Variants in SESTD1 observed in about 807,000 individuals in gnomAD.
SESTD1 encodes SEC14 domain and spectrin repeat-containing protein 1.
A neutral mutation model predicts 101.7 loss-of-function variants in SESTD1; 43 were observed. The ratio of observed to expected loss-of-function variants is 0.42; its 90% CI spans 0.33 to 0.55. SESTD1 has a LOEUF of 0.55. Ranked by LOEUF, SESTD1 falls within the 20% of genes least tolerant of loss-of-function variation. The pLI is 0.07. For missense variants in SESTD1, 647 were observed against 815.1 expected, an observed-to-expected ratio of 0.79 and a Z score of 2.51; for synonymous variants, 283 against 286.8, an observed-to-expected ratio of 0.99 and a Z score of 0.13.
intron 1 of SESTD1, among the ~76,000 whole-genome samples, chr2:179,217,687 T>C (rs2046745122): frequency 1.3e-5 from 2 of 152,144 alleles, no homozygotes; most frequent in Admixed American, 1.3e-4. Context: ...ACACGTATGT[T>C]TACTGCGGCA....
intron 4 of SESTD1, among the ~76,000 whole-genome samples, chr2:179,174,128 A>T (rs2045969571): frequency 6.6e-6 from 1 of 152,188 alleles, no homozygotes; most frequent in African/African-American, 2.4e-5. Context: ...TATTATTTCA[A>T]AATCATTGAA....
At chr2:179,111,510 G>A (rs1263704349) in intron 17 of SESTD1, among the ~76,000 whole-genome samples, 1 of 152,156 alleles carries the variant, frequency 6.6e-6, no homozygotes, top group Non-Finnish European at 1.5e-5. Flanking sequence ...GCTTGCCCAA[G>A]GTGTTACAGT....
chr2:179,144,112 CG>C (rs1417013300), intron 8 of SESTD1, among the ~76,000 whole-genome samples: 1 of 147,770 alleles, frequency 6.8e-6, no homozygotes, highest in African/African-American at 2.5e-5. Context: ...GGCATACATA[CG>C]GTTTATATTT....
At chr2:179,144,438 G>C (rs1475037473) in intron 8 of SESTD1, among the ~76,000 whole-genome samples, 1 of 152,000 alleles carries the variant, frequency 6.6e-6, no homozygotes, top group African/African-American at 2.4e-5. Context: ...GGCCATACTA[G>C]TGTTAGAACT....
chr2:179,152,853 T>A (rs898468989), intron 5 of SESTD1, among the ~76,000 whole-genome samples: 6 of 152,136 alleles, frequency 3.9e-5, no homozygotes, highest in Non-Finnish European at 8.8e-5. Flanking sequence ...GTGACCCATC[T>A]AAGAAGTCAG....
At chr2:179,255,269 G>A (rs1288002646) in intron 1 of SESTD1, among the ~76,000 whole-genome samples, 3 of 152,198 alleles carry the variant, frequency 2.0e-5, no homozygotes, top group Non-Finnish European at 4.4e-5. Flanking sequence ...GCTTACTCAG[G>A]AAGGTATGTC....
intron 10 of SESTD1, among the ~76,000 whole-genome samples, chr2:179,130,538 G>A (rs2044987039): frequency 6.6e-6 from 1 of 151,930 alleles, no homozygotes; most frequent in Admixed American, 6.6e-5. Flanking sequence ...TATGAAATTT[G>A]CTTTTGAAGT....
Position 179,261,098 on chromosome 2 carries a change from A to G in SESTD1, c.-26+3401T>C, listed in dbSNP as rs574547713. Among the ~76,000 whole-genome samples, 145 of 152,304 alleles carry G rather than the reference A, an allele frequency of 9.5e-4. 1 individual carries two copies. The highest frequency in any genetic ancestry group is 3.2e-3 in the African/African-American group (132 of 41,564). ...GGGTTCTAGGATCGGCTATGCTATT[A>G]AGAAGCTGTTACTAGGTTGAATCAC... On this transcript the variant is annotated intron_variant, in intron 1 of 17. Coordinates refer to ENST00000428443, the MANE Select transcript of SESTD1 (RefSeq NM_178123.5).
chr2:179,197,178 C>T (rs1468794136), intron 1 of SESTD1, among the ~76,000 whole-genome samples: 2 of 151,802 alleles, frequency 1.3e-5, no homozygotes, highest in East Asian at 1.9e-4. Context: ...GCCTCAGGAG[C>T]CGATGCAATC....
At chr2:179,117,684 G>C in intron 13 of SESTD1, 71 bp from the exon 14 acceptor site, 1 of 1,239,788 alleles carries the variant, frequency 8.1e-7, no homozygotes, top group Non-Finnish European at 1.1e-6. Flanking sequence ...ATCATCATTT[G>C]GTACATGTAT....
At position 179,212,044 on chromosome 2, in the gene SESTD1, T is replaced by C. The variant is rs544208059; in HGVS notation, c.-25-20178A>G. 5.2e-5 allele frequency among the ~76,000 whole-genome samples: 7 copies of C among 134,920 alleles called. 2 individuals carry two copies. The East Asian group carries it at 1.0e-3, about 19-fold the overall frequency. 88.5% of individuals were successfully genotyped at this position (134,920 alleles called of 152,430 possible). On this transcript the variant is annotated intron_variant, in intron 1 of 17. Coordinates refer to ENST00000428443, the MANE Select transcript of SESTD1 (RefSeq NM_178123.5). ...TATCTTCCGTTCCAAGATGGCTGAATAGGAACAGCTACAGTCTGCAGCCCC... is the reference window on the plus strand; with the variant it reads ...TATCTTCCGTTCCAAGATGGCTGAACAGGAACAGCTACAGTCTGCAGCCCC...
chr2:179,126,717 C>A (rs1412116441), intron 10 of SESTD1, among the ~76,000 whole-genome samples: 1 of 152,132 alleles, frequency 6.6e-6, no homozygotes, highest in Admixed American at 6.6e-5. Context: ...TACCCAACTG[C>A]CCACTAGCCA....
intron 1 of SESTD1, among the ~76,000 whole-genome samples, chr2:179,200,440 C>T (rs1020278267): frequency 6.6e-6 from 1 of 150,514 alleles, no homozygotes; most frequent in Non-Finnish European, 1.5e-5. Flanking sequence ...TCATATGGAA[C>T]CAAAAAAGAG....
chr2:179,158,854 G>GT (rs1280498534), intron 5 of SESTD1, among the ~76,000 whole-genome samples: 5 of 152,162 alleles, frequency 3.3e-5, no homozygotes, highest in African/African-American at 7.2e-5. Flanking sequence ...GTTAAATAAC[G>GT]TATGTGGGGG....
chr2:179,159,839 A>T (rs1461130619), intron 5 of SESTD1, among the ~76,000 whole-genome samples: 2 of 152,124 alleles, frequency 1.3e-5, no homozygotes, highest in African/African-American at 4.8e-5. Flanking sequence ...AGAAGAAAAA[A>T]ACAAAGAAAG....
chr2:179,194,495 A>G (rs2046361697), intron 1 of SESTD1, among the ~76,000 whole-genome samples: 2 of 152,266 alleles, frequency 1.3e-5, no homozygotes, highest in Middle Eastern at 3.4e-3. Context: ...TTGGCAGGAC[A>G]TGTATATTAT....
chr2:179,248,195 T>C (rs895814451), intron 1 of SESTD1, among the ~76,000 whole-genome samples: 1 of 152,098 alleles, frequency 6.6e-6, no homozygotes, highest in Admixed American at 6.6e-5. Flanking sequence ...AATGGGCCAC[T>C]TCCTCAAACT....
chr2:179,193,656 A>G (rs2046350505), intron 1 of SESTD1, among the ~76,000 whole-genome samples: 2 of 152,190 alleles, frequency 1.3e-5, no homozygotes, highest in Admixed American at 1.3e-4. Flanking sequence ...TCTTCACAAC[A>G]TTTCTACAAG....
chr2:179,162,822 TAAA>T (rs33960106), intron 5 of SESTD1, among the ~76,000 whole-genome samples: 107 of 136,970 alleles, frequency 7.8e-4, no homozygotes, highest in Middle Eastern at 3.8e-3. Flanking sequence ...TCGTCTCTAG[TAAA>T]AAAAAAAAAA....
Sources: gnomAD v4.1 joint callset for allele counts (sites outside exome capture counted in the v4.1 genomes callset) on GRCh38, gnomAD v4.1.1 for gene constraint, MANE v1.5 for transcripts, NCBI Gene and HGNC (gene_info 2026-07-23, HGNC 2026-07-21) for gene names.